Variants in AMZ2 observed in about 807,000 individuals in gnomAD.
The protein encoded by AMZ2 is archaemetzincin-2.
Under a neutral mutation model 36.7 loss-of-function variants are expected in AMZ2, and 26 were observed. The observed-to-expected ratio is 0.71, with a 90% confidence interval of 0.52 to 0.98. The LOEUF is 0.98. AMZ2 is among the 50% of genes least tolerant of loss of function. The probability of loss-of-function intolerance (pLI) is 0.00; values close to 1 mark genes in which losing one functional copy is unlikely to be tolerated. For missense variants in AMZ2, 394 were observed against 430.5 expected (o/e 0.92, Z 0.75); for synonymous variants, 144 against 149.1 (o/e 0.97, Z 0.25).
chr17:68,232,645 C>A (rs552607879), intron 1 of AMZ2, among the ~76,000 whole-genome samples: 1 of 151,920 alleles, frequency 6.6e-6, no homozygotes, highest in Non-Finnish European at 1.5e-5. Context: ...GAGTTCGAGA[C>A]CAGCCTGGCC....
intron 1 of AMZ2, among the ~76,000 whole-genome samples, chr17:68,227,830 C>T (rs749567471): frequency 6.6e-6 from 1 of 152,120 alleles, no homozygotes; most frequent in Admixed American, 6.5e-5. Flanking sequence ...AGTAAGACCC[C>T]GTCTCTACAA....
chr17:68,209,752 C>A (rs1555725443), intron 1 of AMZ2, among the ~76,000 whole-genome samples: 1 of 150,306 alleles, frequency 6.7e-6, no homozygotes, highest in East Asian at 2.0e-4. Context: ...TCCTGAGAAG[C>A]TGGGATTACA....
upstream of AMZ2, chr17:68,247,739 C>T: frequency 1.0e-6 from 1 of 985,530 alleles, no homozygotes; most frequent in African/African-American, 1.7e-5. Context: ...ACACGGGAGA[C>T]CCCAGCGACG....
chr17:68,232,511 A>AAG (rs1253900965), intron 1 of AMZ2, among the ~76,000 whole-genome samples: 1 of 151,602 alleles, frequency 6.6e-6, no homozygotes, highest in Non-Finnish European at 1.5e-5. Flanking sequence ...AAAAAAAAAA[A>AAG]AGAGATTGAT....
chr17:68,225,995 AC>A (rs2073506453), intron 1 of AMZ2, among the ~76,000 whole-genome samples: 1 of 151,956 alleles, frequency 6.6e-6, no homozygotes, highest in South Asian at 2.1e-4. Flanking sequence ...CCTCGCCCCA[AC>A]CCCATCTTCT....
rs1487459804 is a variant in AMZ2, at chr17:68,235,234, T to C, written c.-66-13406T>C. Among the ~76,000 whole-genome samples the C allele has an allele frequency of 1.3e-5, 2 of 152,202 alleles. No individual in the cohort carries two copies. Among genetic ancestry groups the C allele is most frequent in the Non-Finnish European group, 2.9e-5 (2 of 68,042 alleles). On this transcript the variant is annotated intron_variant, in intron 1 of 7. Transcript: ENST00000674770. The surrounding 1 kb of genome is among the most constrained non-coding windows in gnomAD (Gnocchi z 4.2). ...CTGGTTTCTTAGCAAAAAAACAACT[T>C]GTTAAATGTCAGGGCTTTGTGTTTT...
rs1369989978 is a variant in AMZ2, at chr17:68,237,393, A to G, written c.-66-11247A>G. On this transcript the variant is annotated intron_variant, in intron 1 of 7. Transcript: ENST00000674770. ...TCTAAGTGTGTCCTTCGTTACGCTG[A>G]TGCAAGTTGGCATTTTTACATTGCA... 3.9e-5 allele frequency among the ~76,000 whole-genome samples: 6 copies of G among 152,318 alleles called. No homozygotes were observed. In the South Asian group the frequency reaches 6.2e-4, roughly 16 times the overall value.
chr17:68,254,287 G>A, intron 4 of AMZ2, 117 bp from the exon 5 acceptor site: 1 of 973,278 alleles, frequency 1.0e-6, no homozygotes, highest in East Asian at 2.5e-5. Flanking sequence ...CAGATGGTGT[G>A]GACACAGTGA....
chr17:68,226,639 T>A (rs1465498418), intron 1 of AMZ2, among the ~76,000 whole-genome samples: 1 of 152,166 alleles, frequency 6.6e-6, no homozygotes, highest in Non-Finnish European at 1.5e-5. Flanking sequence ...CCTGGCCACC[T>A]CCCACCTCTG....
rs2074732295 is a variant in AMZ2, at chr17:68,254,395, T to A, written c.587-9T>A. ...TCTCATTCTGTCACTGTTTGTCCTT[T>A]TTTTGTAGGTGTGGGGATATTCAGC... On this transcript the variant is annotated splice_polypyrimidine_tract_variant and intron_variant, in intron 4 of 6. Transcript: ENST00000359904. The A allele has an allele frequency of 6.2e-7, 1 of 1,603,232 alleles. No individual in the cohort carries two copies. The highest frequency in any genetic ancestry group is 1.3e-5 in the African/African-American group (1 of 74,196).
intron 1 of AMZ2, among the ~76,000 whole-genome samples, chr17:68,214,891 C>G (rs1335365229): frequency 1.3e-5 from 2 of 152,096 alleles, no homozygotes; most frequent in African/African-American, 2.4e-5. Flanking sequence ...TCAAGCAGTC[C>G]TCCTGCTTCA....
intron 1 of AMZ2, among the ~76,000 whole-genome samples, chr17:68,217,436 C>A (rs1251153500): frequency 6.6e-6 from 1 of 152,120 alleles, no homozygotes; most frequent in Non-Finnish European, 1.5e-5. Flanking sequence ...TGATTTCAGG[C>A]AAATAGGATT....
At chr17:68,240,223 T>C (rs1453643929) in intron 1 of AMZ2, among the ~76,000 whole-genome samples, 1 of 152,118 alleles carries the variant, frequency 6.6e-6, no homozygotes, top group East Asian at 1.9e-4. Flanking sequence ...ACTAATACTA[T>C]TCATAAGAGT....
upstream of AMZ2, chr17:68,247,825 G>A (rs1463282912): frequency 3.0e-6 from 3 of 985,456 alleles, no homozygotes; most frequent in South Asian, 9.4e-5. Flanking sequence ...CGACTGCGGG[G>A]GTGGACAGCT....
intron 1 of AMZ2, among the ~76,000 whole-genome samples, chr17:68,209,632 A>ATATATT: frequency 6.6e-5 from 6 of 90,690 alleles, no homozygotes; most frequent in Admixed American, 2.5e-4. Flanking sequence ...ATATATATAT[A>ATATATT]TTTTTTTTTT....
intron 1 of AMZ2, among the ~76,000 whole-genome samples, chr17:68,234,751 AGT>A (rs2073747184): frequency 6.6e-6 from 1 of 150,916 alleles, no homozygotes; most frequent in Admixed American, 6.6e-5. Flanking sequence ...CAGAGTGAAG[AGT>A]GGGTGACAGA....
chr17:68,247,745 C>A, upstream of AMZ2: 1 of 985,512 alleles, frequency 1.0e-6, no homozygotes, highest in East Asian at 1.1e-4. Context: ...GAGACCCCAG[C>A]GACGCGGGCG....
At chr17:68,236,566 C>CTTTTTTTTT (rs782220711) in intron 1 of AMZ2, among the ~76,000 whole-genome samples, 3 of 102,972 alleles carry the variant, frequency 2.9e-5, no homozygotes, top group Non-Finnish European at 3.7e-5. Flanking sequence ...GGCAAACATC[C>CTTTTTTTTT]TTTTTTTTTT....
At chr17:68,249,993 C>T in intron 1 of AMZ2, 195 bp from the exon 2 acceptor site, 1 of 615,170 alleles carries the variant, frequency 1.6e-6, no homozygotes, top group Non-Finnish European at 2.8e-6. Context: ...GAATGGATTT[C>T]ATGATTGTCT....
Sources: gnomAD v4.1 joint callset for allele counts (sites outside exome capture counted in the v4.1 genomes callset) on GRCh38, gnomAD v4.1.1 for gene constraint, Gnocchi (gnomAD v3.1) non-coding constraint, MANE v1.5 for transcripts, NCBI Gene and HGNC (gene_info 2026-07-23, HGNC 2026-07-21) for gene names.